EFCAB6: variants seen among roughly 807,000 people sequenced by gnomAD.
EFCAB6 encodes the protein EF-hand calcium binding domain 6.
Under a neutral mutation model 169.8 loss-of-function variants are expected in EFCAB6, and 156 were observed. That is an observed-to-expected ratio of 0.92 (90% CI 0.81 to 1.05). The LOEUF (loss-of-function observed/expected upper bound fraction) is 1.05, where lower values mean the gene tolerates loss of function less well. Among genes scored for constraint, EFCAB6 ranks in the 50% least tolerant of loss-of-function variants. The pLI, the probability that EFCAB6 is intolerant of heterozygous loss-of-function variation, is 0.00. For synonymous variants in EFCAB6, 698 were observed against 676.4 expected, an observed-to-expected ratio of 1.03 and a Z score of -0.50; for missense variants, 1,800 against 1,829.1, an observed-to-expected ratio of 0.98 and a Z score of 0.29.
chr22:43,684,901 C>G (rs1339455236), intron 11 of EFCAB6, among the ~76,000 whole-genome samples: 2 of 152,212 alleles, frequency 1.3e-5, no homozygotes, highest in Admixed American at 1.3e-4. Context: ...CCTCCGCCCA[C>G]TAGATCAGTG....
At position 43,580,545 on chromosome 22, in the gene EFCAB6, G is replaced by A. The variant is rs751137724; in HGVS notation, c.3147C>T (p.Ile1049=). The A allele has an allele frequency of 2.5e-6, 4 of 1,614,100 alleles. No homozygotes were observed. The highest frequency in any genetic ancestry group is 1.7e-5 in the Admixed American group (1 of 60,008). Residue 1049 remains isoleucine, a synonymous_variant, in exon 25 of 32, where the codon ATC becomes ATT. Transcript: ENST00000262726. The stretch of plus-strand genomic sequence containing the variant: ...CCTGTGGATTCAGCGTTGCAAAATT[G>A]ATTGGCATGCTCTCTTCTTTTTCCT... The part of the protein sequence containing the change: ...QPKEKEESMP[I]NFATLNPQEA...
chr22:43,564,328 A>G (rs757961694), intron 26 of EFCAB6, among the ~76,000 whole-genome samples: 1 of 152,066 alleles, frequency 6.6e-6, no homozygotes, highest in African/African-American at 2.4e-5. Flanking sequence ...CACACCTGTA[A>G]TCTCAGCTAC....
chr22:43,642,725 A>G (rs1406439336), intron 17 of EFCAB6, among the ~76,000 whole-genome samples: 2 of 152,208 alleles, frequency 1.3e-5, no homozygotes, highest in Non-Finnish European at 2.9e-5. Flanking sequence ...CTGACTGTCC[A>G]TGTGGCCCCA....
chr22:43,543,218 G>A (rs561584579), intron 27 of EFCAB6, among the ~76,000 whole-genome samples: 1 of 152,300 alleles, frequency 6.6e-6, no homozygotes, highest in East Asian at 1.9e-4. Flanking sequence ...AGGAAGTGGT[G>A]GCAGTCACCG....
chr22:43,561,683 G>A (rs1235299603), intron 26 of EFCAB6, among the ~76,000 whole-genome samples: 3 of 152,140 alleles, frequency 2.0e-5, no homozygotes, highest in African/African-American at 4.8e-5. Context: ...CGCCAGCCTC[G>A]CTCGAGTGAC....
intron 10 of EFCAB6, among the ~76,000 whole-genome samples, chr22:43,705,060 C>T (rs946272303): frequency 1.3e-5 from 2 of 151,874 alleles, no homozygotes; most frequent in African/African-American, 4.8e-5. Context: ...AAATGGAAAC[C>T]AAATGAGAAA....
chr22:43,668,075 T>C (rs1277435870), intron 16 of EFCAB6, among the ~76,000 whole-genome samples: 1 of 152,256 alleles, frequency 6.6e-6, no homozygotes, highest in Non-Finnish European at 1.5e-5. Flanking sequence ...TATCATGGAA[T>C]ATTTAACCCG....
At chr22:43,612,417 C>T (rs2147671603) in intron 21 of EFCAB6, among the ~76,000 whole-genome samples, 1 of 152,214 alleles carries the variant, frequency 6.6e-6, no homozygotes, top group Admixed American at 6.5e-5. Context: ...TAACATCCAG[C>T]ATCTATACGG....
At chr22:43,573,381 C>T (rs958463312) in intron 26 of EFCAB6, among the ~76,000 whole-genome samples, 10 of 152,058 alleles carry the variant, frequency 6.6e-5, no homozygotes, top group Non-Finnish European at 1.5e-4. Context: ...AGAACACAAC[C>T]CCCAAACTCA....
Position 43,600,283 on chromosome 22 carries a change from CAGAA to C in EFCAB6, c.2682-24_2682-21del. On this transcript the variant is annotated intron_variant, in intron 22 of 31. Coordinates refer to ENST00000262726, the MANE Select transcript of EFCAB6 (RefSeq NM_022785.4). ...TCGTATCTTAAAACAAAAACAAAAACAGAAAGCACTTCTCAGTAGCCAGTAAGGT... is the reference window on the plus strand; with the variant it reads ...TCGTATCTTAAAACAAAAACAAAAACAGCACTTCTCAGTAGCCAGTAAGGT... The C allele has an allele frequency of 6.2e-7, 1 of 1,612,276 alleles. No homozygotes were observed. Among genetic ancestry groups the C allele is most frequent in the Non-Finnish European group, 8.5e-7 (1 of 1,179,034 alleles).
chr22:43,589,769 T>C (rs756688601), intron 24 of EFCAB6, among the ~76,000 whole-genome samples: 9 of 152,014 alleles, frequency 5.9e-5, no homozygotes, highest in African/African-American at 9.7e-5. Flanking sequence ...GCCTGGGTGA[T>C]AGAGCGAGAC....
chr22:43,785,351 A>G (rs1456483622), intron 2 of EFCAB6, among the ~76,000 whole-genome samples: 2 of 152,252 alleles, frequency 1.3e-5, no homozygotes, highest in Non-Finnish European at 2.9e-5. Context: ...TACAGAATGA[A>G]AACAGAAATT....
intron 8 of EFCAB6, among the ~76,000 whole-genome samples, chr22:43,719,025 G>A (rs768736947): frequency 1.3e-5 from 2 of 152,166 alleles, no homozygotes; most frequent in Non-Finnish European, 2.9e-5. Flanking sequence ...GTACTCTCAT[G>A]GCACATTTCG....
chr22:43,566,674 T>C (rs2147170701), intron 26 of EFCAB6, among the ~76,000 whole-genome samples: 1 of 152,256 alleles, frequency 6.6e-6, no homozygotes, highest in Admixed American at 6.5e-5. Context: ...ACCTACCACA[T>C]GTGCAAGAAC....
chr22:43,773,436 T>C (rs570722868), intron 3 of EFCAB6, among the ~76,000 whole-genome samples: 1 of 152,368 alleles, frequency 6.6e-6, no homozygotes, highest in Admixed American at 6.5e-5. Context: ...ATCTTTAAAA[T>C]ATCATATTCA....
At chr22:43,565,468 A>G (rs1362379864) in intron 26 of EFCAB6, among the ~76,000 whole-genome samples, 1 of 152,218 alleles carries the variant, frequency 6.6e-6, no homozygotes, top group African/African-American at 2.4e-5. Context: ...TAAGCTGTTG[A>G]GCACAGATGG....
intron 10 of EFCAB6, among the ~76,000 whole-genome samples, chr22:43,696,482 G>A (rs1260013790): frequency 6.6e-6 from 1 of 152,098 alleles, no homozygotes; most frequent in East Asian, 1.9e-4. Flanking sequence ...TCCACACAAA[G>A]ACTTGTATAT....
At chr22:43,788,459 G>T (rs1156999766) in intron 2 of EFCAB6, among the ~76,000 whole-genome samples, 1 of 152,104 alleles carries the variant, frequency 6.6e-6, no homozygotes, top group Non-Finnish European at 1.5e-5. Context: ...ATATACAAAT[G>T]ACCAGTAAGT....
chr22:43,599,509 C>CAAAAAAAAAAAAAAAAAAAA (rs58130994), intron 23 of EFCAB6, among the ~76,000 whole-genome samples: 1 of 44,226 alleles, frequency 2.3e-5, no homozygotes, highest in Admixed American at 2.7e-4. Context: ...GATTCCATCT[C>CAAAAAAAAAAAAAAAAAAAA]AAAAAAAAAA....
Sources: allele counts gnomAD v4.1 joint callset (sites outside exome capture counted in the v4.1 genomes callset), GRCh38; gene constraint gnomAD v4.1.1; transcripts MANE v1.5; gene names NCBI Gene and HGNC (gene_info 2026-07-23, HGNC 2026-07-21).